SPINK6: variants seen among roughly 807,000 people sequenced by gnomAD.
The protein encoded by SPINK6 is serine protease inhibitor Kazal-type 6.
A neutral mutation model predicts 11.7 loss-of-function variants in SPINK6; 13 were observed. The ratio of observed to expected loss-of-function variants is 1.11; its 90% CI spans 0.72 to 1.76. The LOEUF is 1.76. Ranked by LOEUF, SPINK6 falls within the 40% of genes most tolerant of loss-of-function variation. The probability of loss-of-function intolerance (pLI) is 0.00; values close to 1 mark genes in which losing one functional copy is unlikely to be tolerated. For missense variants in SPINK6, 98 were observed against 93.7 expected (o/e 1.05, Z -0.19); for synonymous variants, 21 against 31.9 (o/e 0.66, Z 1.15).
intron 2 of SPINK6, among the ~76,000 whole-genome samples, chr5:148,209,956 A>C (rs1755548947): frequency 7.3e-6 from 1 of 136,570 alleles, no homozygotes. Context: ...TTTCATATAT[A>C]TGTATACATA....
chr5:148,212,312 A>G (rs530850657), intron 2 of SPINK6, among the ~76,000 whole-genome samples: 77 of 151,154 alleles, frequency 5.1e-4, no homozygotes, highest in Non-Finnish European at 8.2e-4. Context: ...AGTAAGCACA[A>G]AAGTTCAAAT....
At chr5:148,206,383 C>A (rs1294135722) in intron 2 of SPINK6, among the ~76,000 whole-genome samples, 1 of 151,596 alleles carries the variant, frequency 6.6e-6, no homozygotes, top group Non-Finnish European at 1.5e-5. Flanking sequence ...AGTTCCACAA[C>A]TATAGAAAAG....
At chr5:148,210,016 A>G (rs1755559509) in intron 2 of SPINK6, among the ~76,000 whole-genome samples, 2 of 150,458 alleles carry the variant, frequency 1.3e-5, no homozygotes, top group African/African-American at 4.9e-5. Flanking sequence ...ACATGTATGT[A>G]CGCATGTACG....
intron 2 of SPINK6, among the ~76,000 whole-genome samples, chr5:148,207,016 T>C (rs1755507765): frequency 1.9e-5 from 1 of 53,670 alleles, no homozygotes; most frequent in Non-Finnish European, 3.7e-5. Flanking sequence ...CAAATGATGA[T>C]GCATTTGTGT....
At chr5:148,203,337 T>C (rs1486365079) in intron 1 of SPINK6, among the ~76,000 whole-genome samples, 183 bp downstream of exon 1, 1 of 152,178 alleles carries the variant, frequency 6.6e-6, no homozygotes, top group Non-Finnish European at 1.5e-5. Flanking sequence ...AAAATTACTG[T>C]GATTTGTTGA....
rs748191222 is a variant in SPINK6 at position 148,206,077 on chromosome 5, C to T, written c.81+19C>T. The T allele has an allele frequency of 6.2e-7, 1 of 1,613,848 alleles. No homozygotes were observed. ...AGGACAGGTCAGTGCCTATTTTTAT[C>T]TCTGCTTTCTGCCTGGGTGGTGCTT... On this transcript the variant is annotated intron_variant, in intron 2 of 3. Transcript: ENST00000325630.
Position 148,203,086 on chromosome 5 carries a change from T to C in SPINK6, c.-11T>C, listed in dbSNP as rs1464550832. 1.8e-5 allele frequency: 29 copies of C among 1,606,990 alleles called. No homozygotes were observed. The highest frequency in any genetic ancestry group is 2.5e-5 in the Non-Finnish European group (29 of 1,178,228). ...CAAAGCAGCCTTGATCTGAGTGAGC[T>C]AACTGACACAATGAAACTGTCAGGC... On this transcript the variant is annotated 5_prime_UTR_variant, in exon 1 of 4. Transcript: ENST00000325630.
rs1398978551 is a variant in SPINK6, at chr5:148,209,991, T to TACACACGTACGTATGCATGTATAC, written c.82-3918_82-3917insCACACGTACGTATGCATGTATACA. 4.8e-5 allele frequency among the ~76,000 whole-genome samples: 7 copies of TACACACGTACGTATGCATGTATAC among 145,404 alleles called. 1 individual carries two copies. Among genetic ancestry groups the TACACACGTACGTATGCATGTATAC allele is most frequent in the Non-Finnish European group, 9.1e-5 (6 of 65,970 alleles). On this transcript the variant is annotated intron_variant, in intron 2 of 3. Coordinates refer to ENST00000325630, the MANE Select transcript of SPINK6 (RefSeq NM_205841.4). ...ACATACGTACGTATGTATGTATACA[T>TACACACGTACGTATGCATGTATAC]ATACACGTATGTATACATGTATGTA...
intron 2 of SPINK6, among the ~76,000 whole-genome samples, chr5:148,212,629 T>C (rs184757396): frequency 4.1e-4 from 44 of 107,226 alleles, no homozygotes; most frequent in Non-Finnish European, 6.3e-4. Flanking sequence ...TTATATATTA[T>C]ATATTATATA....
chr5:148,213,198 TTTTG>T (rs1019445826), intron 2 of SPINK6, among the ~76,000 whole-genome samples: 4 of 151,534 alleles, frequency 2.6e-5, no homozygotes, highest in African/African-American at 9.7e-5. Flanking sequence ...CATCCATGTT[TTTTG>T]TTTGTTTGTT....
chr5:148,208,193 T>A (rs1755524882), intron 2 of SPINK6, among the ~76,000 whole-genome samples: 1 of 152,194 alleles, frequency 6.6e-6, no homozygotes. Flanking sequence ...TTGAATTCAA[T>A]GATCTCTGAA....
intron 3 of SPINK6, among the ~76,000 whole-genome samples, chr5:148,214,346 T>C (rs568959005): frequency 6.6e-6 from 1 of 152,328 alleles, no homozygotes; most frequent in South Asian, 2.1e-4. Context: ...TTTAATGTTT[T>C]CATTTGTTTC....
chr5:148,205,989 T>C, intron 1 of SPINK6, 47 bp from the exon 2 acceptor site: 1 of 1,609,382 alleles, frequency 6.2e-7, no homozygotes, highest in Non-Finnish European at 8.5e-7. Context: ...TTTCACTTTT[T>C]GTACATCAAT....
intron 2 of SPINK6, among the ~76,000 whole-genome samples, chr5:148,208,857 C>A (rs1400967662): frequency 6.6e-6 from 1 of 152,154 alleles, no homozygotes; most frequent in African/African-American, 2.4e-5. Flanking sequence ...CTTTTTGAAT[C>A]ACTTACTGCA....
At chr5:148,206,665 G>A (rs1219086453) in intron 2 of SPINK6, among the ~76,000 whole-genome samples, 1 of 152,142 alleles carries the variant, frequency 6.6e-6, no homozygotes, top group Non-Finnish European at 1.5e-5. Context: ...ATGAGCACAA[G>A]TTATCTTCAT....
intron 1 of SPINK6, 104 bp downstream of exon 1, chr5:148,203,258 C>A: frequency 1.3e-6 from 1 of 776,178 alleles, no homozygotes; most frequent in Non-Finnish European, 2.1e-6. Context: ...TGTAAAAGAC[C>A]AATTCTGAGA....
intron 2 of SPINK6, among the ~76,000 whole-genome samples, chr5:148,207,226 G>A (rs10477364): frequency 0.92 from 139,933 of 152,242 alleles, 64,342 homozygotes; most frequent in Middle Eastern, 0.96. Flanking sequence ...AACACATTTC[G>A]TATCTCATTA....
At chr5:148,209,954 A>ATATGTATACATACATATGTACGTATG (rs1755548535) in intron 2 of SPINK6, among the ~76,000 whole-genome samples, 15 of 12,770 alleles carry the variant, frequency 1.2e-3, no homozygotes, top group African/African-American at 2.4e-3. Flanking sequence ...GGTTTCATAT[A>ATATGTATACATACATATGTACGTATG]TATGTATACA....
intron 1 of SPINK6, among the ~76,000 whole-genome samples, chr5:148,205,160 C>T (rs556300396): frequency 3.5e-4 from 53 of 152,158 alleles, no homozygotes; most frequent in African/African-American, 1.2e-3. Flanking sequence ...AAGGAATTTC[C>T]GGTTGTTATC....
Sources: allele counts gnomAD v4.1 joint callset (sites outside exome capture counted in the v4.1 genomes callset), GRCh38; gene constraint gnomAD v4.1.1; transcripts MANE v1.5; gene names NCBI Gene and HGNC (gene_info 2026-07-23, HGNC 2026-07-21).